CWF19L2: variants seen among roughly 807,000 people sequenced by gnomAD.
CWF19L2 encodes the protein CWF19 like cell cycle control factor 2.
CWF19L2 carries 98 observed loss-of-function variants against 111.7 expected under a neutral mutation model. That is an observed-to-expected ratio of 0.88 (90% CI 0.75 to 1.04). The LOEUF is 1.04. Ranked by LOEUF, CWF19L2 falls within the 50% of genes least tolerant of loss-of-function variation. The pLI, the probability that CWF19L2 is intolerant of heterozygous loss-of-function variation, is 0.00. For missense variants in CWF19L2, 1,101 were observed against 1,051.4 expected, an observed-to-expected ratio of 1.05 and a Z score of -0.65; for synonymous variants, 351 against 342.9, an observed-to-expected ratio of 1.02 and a Z score of -0.26.
intron 6 of CWF19L2, among the ~76,000 whole-genome samples, chr11:107,435,889 C>A (rs1398144991): frequency 5.3e-5 from 8 of 152,036 alleles, no homozygotes; most frequent in African/African-American, 1.9e-4. Flanking sequence ...GGTGCAGCGG[C>A]TCACGCCTGT....
intron 2 of CWF19L2, among the ~76,000 whole-genome samples, chr11:107,455,357 A>G (rs1023188331): frequency 3.3e-5 from 5 of 152,088 alleles, no homozygotes; most frequent in African/African-American, 1.2e-4. Flanking sequence ...CTAAAAAAAT[A>G]AAATAAAATA....
chr11:107,419,958 G>A (rs1280260335), intron 8 of CWF19L2, among the ~76,000 whole-genome samples: 1 of 151,894 alleles, frequency 6.6e-6, no homozygotes, highest in Non-Finnish European at 1.5e-5. Context: ...CACCATTCAG[G>A]AATAGCATAT....
rs922888141 is a variant in CWF19L2 at position 107,368,418 on chromosome 11, C to G, written c.1873-14682G>C. ...GGCCTTTCTTCCCTATCTAACTCTT[C>G]CAAATCAGAATTTAAGTATTTAAGC... On this transcript the variant is annotated intron_variant, in intron 12 of 17. Transcript: ENST00000282251. Among the ~76,000 whole-genome samples the G allele has an allele frequency of 5.8e-5, 8 of 137,908 alleles. 2 individuals are homozygous for G. Among genetic ancestry groups the G allele is most frequent in the African/African-American group, 8.6e-5 (3 of 34,734 alleles). The allele number at this position is 137,908 out of a possible 152,430, so 90.5% of individuals were successfully genotyped here.
chr11:107,449,093 T>G (rs1175533206), intron 3 of CWF19L2, among the ~76,000 whole-genome samples: 1 of 146,004 alleles, frequency 6.8e-6, no homozygotes, highest in Admixed American at 6.9e-5. Context: ...GTTCTCAATA[T>G]GTACAATGCA....
chr11:107,454,074 G>C (rs1861818431), intron 3 of CWF19L2, among the ~76,000 whole-genome samples: 1 of 152,304 alleles, frequency 6.6e-6, no homozygotes, highest in Non-Finnish European at 1.5e-5. Flanking sequence ...CCTCAGGCCT[G>C]GGGGAACTTG....
intron 10 of CWF19L2, among the ~76,000 whole-genome samples, chr11:107,404,740 A>T (rs1278560084): frequency 6.6e-6 from 1 of 152,204 alleles, no homozygotes; most frequent in Non-Finnish European, 1.5e-5. Flanking sequence ...ACAGTGTCAA[A>T]TAGTGGGTAC....
chr11:107,326,694 T>G lies in CWF19L2; in HGVS notation c.*216A>C. On this transcript the variant is annotated 3_prime_UTR_variant, in exon 18 of 18. Coordinates refer to ENST00000282251, the MANE Select transcript of CWF19L2 (RefSeq NM_152434.3). ...GAATGTGAGCAGATCATCGAATATA[T>G]GTTTTTACTCCATGGTGACTAAAAT... The G allele has an allele frequency of 2.4e-6, 1 of 412,292 alleles. No homozygotes were observed. Among genetic ancestry groups the G allele is most frequent in the Non-Finnish European group, 4.3e-6 (1 of 233,426 alleles). The allele number at this position is 412,292 out of a possible 1,614,324, so 25.5% of individuals were successfully genotyped here.
chr11:107,456,856 G>C (rs1179285246), intron 1 of CWF19L2, among the ~76,000 whole-genome samples: 1 of 152,182 alleles, frequency 6.6e-6, no homozygotes, highest in African/African-American at 2.4e-5. Flanking sequence ...GAGATTAAAG[G>C]AGAATGGGGC....
At chr11:107,436,103 G>C (rs370019910) in intron 6 of CWF19L2, among the ~76,000 whole-genome samples, 1 of 150,246 alleles carries the variant, frequency 6.7e-6, no homozygotes, top group Non-Finnish European at 1.5e-5. Context: ...GCAGTGAGCC[G>C]AGATTGCACC....
chr11:107,372,926 G>A lies in CWF19L2; in HGVS notation c.1872+17148C>T, dbSNP rs552783962. On this transcript the variant is annotated intron_variant, in intron 12 of 17. Transcript: ENST00000282251. ...GCCAGTGGGTGCGCGCACCATGCGT[G>A]AGCCGAAGCAGGGCAAGGCATTGCC... 2.4e-5 allele frequency among the ~76,000 whole-genome samples: 3 copies of A among 123,484 alleles called. 1 individual carries two copies. In the South Asian group the frequency reaches 8.3e-4, roughly 34 times the overall value. The allele number at this position is 123,484 out of a possible 152,430, so 81.0% of individuals were successfully genotyped here. A position where few individuals can be genotyped will look rare whatever the true frequency, so the allele number is the denominator to read the frequency against.
At chr11:107,348,326 C>T (rs1860110379) in intron 14 of CWF19L2, among the ~76,000 whole-genome samples, 1 of 152,058 alleles carries the variant, frequency 6.6e-6, no homozygotes, top group African/African-American at 2.4e-5. Context: ...CCTTTCTTTC[C>T]TGGTCATTAT....
At chr11:107,390,275 AT>A in intron 11 of CWF19L2, 64 bp from the exon 12 acceptor site, 1 of 1,247,346 alleles carries the variant, frequency 8.0e-7, no homozygotes, top group Non-Finnish European at 1.1e-6. Flanking sequence ...TTCTTGATGG[AT>A]TACATAAATA....
chr11:107,454,564 A>G lies in CWF19L2; in HGVS notation c.225T>C (p.Ser75=). 7.0e-7 allele frequency: 1 copy of G among 1,423,292 alleles called. No individual in the cohort carries two copies. The highest frequency in any genetic ancestry group is 9.1e-7 in the Non-Finnish European group (1 of 1,093,210). The allele number at this position is 1,423,292 out of a possible 1,614,324, so 88.2% of individuals were successfully genotyped here. Residue 75 remains serine, a synonymous_variant, in exon 3 of 18, where the codon TCT becomes TCC. Coordinates refer to ENST00000282251, the MANE Select transcript of CWF19L2 (RefSeq NM_152434.3). ...ERIEQFSQEH[S]VKKKKKKDKH... is the part of the protein sequence containing the mutation. ...TGTCTTTTTTCTTCTTTTTCTTCAC[A>G]GAGTGTTCCTACAATCATTTTGAAC...
At chr11:107,369,495 A>G (rs1860478901) in intron 12 of CWF19L2, among the ~76,000 whole-genome samples, 1 of 137,718 alleles carries the variant, frequency 7.3e-6, no homozygotes, top group African/African-American at 2.9e-5. Context: ...AAACCACGAA[A>G]AAAAGACACA....
At chr11:107,378,054 A>G (rs1439955708) in intron 12 of CWF19L2, among the ~76,000 whole-genome samples, 1 of 151,634 alleles carries the variant, frequency 6.6e-6, no homozygotes, top group Admixed American at 6.6e-5. Context: ...ATGCAAATCA[A>G]AACCACAATG....
chr11:107,456,531 G>A (rs750862627), intron 1 of CWF19L2, among the ~76,000 whole-genome samples: 1 of 149,626 alleles, frequency 6.7e-6, no homozygotes, highest in Non-Finnish European at 1.5e-5. Flanking sequence ...AAGACTAATC[G>A]CCCACTCTTC....
At chr11:107,363,476 G>A (rs777214676) in intron 12 of CWF19L2, among the ~76,000 whole-genome samples, 89 of 151,306 alleles carry the variant, frequency 5.9e-4, no homozygotes, top group South Asian at 1.7e-3. Flanking sequence ...CGGATCTCTA[G>A]GCAGAAACTC....
intron 13 of CWF19L2, among the ~76,000 whole-genome samples, chr11:107,351,232 T>C (rs563850555): frequency 2.4e-4 from 36 of 152,230 alleles, no homozygotes; most frequent in African/African-American, 7.7e-4. Context: ...GGTCAGAACA[T>C]GAATATATTC....
intron 12 of CWF19L2, among the ~76,000 whole-genome samples, chr11:107,383,472 C>T (rs557318218): frequency 1.3e-5 from 2 of 152,262 alleles, no homozygotes; most frequent in East Asian, 3.9e-4. Flanking sequence ...TTTTTCTCTA[C>T]ACATCTTTTT....
Sources: gnomAD v4.1 joint callset for allele counts (sites outside exome capture counted in the v4.1 genomes callset) on GRCh38, gnomAD v4.1.1 for gene constraint, MANE v1.5 for transcripts, NCBI Gene and HGNC (gene_info 2026-07-23, HGNC 2026-07-21) for gene names.